Variants in GSN observed in about 807,000 individuals in gnomAD.
GSN encodes gelsolin, also known as actin-depolymerizing factor.
In GSN, 56 loss-of-function variants were observed where a neutral mutation model predicts 85.7. The ratio of observed to expected loss-of-function variants is 0.65; its 90% CI spans 0.53 to 0.82. The LOEUF is 0.82. Among genes scored for constraint, GSN ranks in the 40% least tolerant of loss-of-function variants. The pLI is 0.00. For missense variants in GSN, 857 were observed against 979.8 expected (o/e 0.87, Z 1.67); for synonymous variants, 373 against 399.1 (o/e 0.93, Z 0.78).
chr9:121,330,929 A>G (rs2063814151), intron 16 of GSN, among the ~76,000 whole-genome samples: 1 of 152,348 alleles, frequency 6.6e-6, no homozygotes, highest in Non-Finnish European at 1.5e-5. Context: ...TTTAGAGAAG[A>G]ATCTCAAACT....
At chr9:121,222,040 T>TG (rs2054179787) in intron 4 of GSN, among the ~76,000 whole-genome samples, 1 of 152,172 alleles carries the variant, frequency 6.6e-6, no homozygotes, top group South Asian at 2.1e-4. Flanking sequence ...CCCAAAGGAC[T>TG]GGTTCCAGCA....
At chr9:121,300,220 C>G in intron 2 of GSN, 2 of 835,964 alleles carry the variant, frequency 2.4e-6, no homozygotes, top group East Asian at 2.5e-5. Context: ...GCTAACCTCA[C>G]CTTGGCCGGA....
Position 121,329,166 on chromosome 9 carries a change from C to A in GSN, c.1888-72C>A. ...GCTGCAGCCAGCTGTGCCACTCCCT[C>A]AGGGGGCAGATAAAGGAAGGCCACC... is the stretch of plus-strand genomic sequence containing the variant. On this transcript the variant is annotated intron_variant, in intron 15 of 17. Coordinates refer to ENST00000432226, the MANE Select transcript of GSN (RefSeq NM_198252.3). This position sits in a 1 kb window ranked among gnomAD's most constrained non-coding sequence, Gnocchi z 4.6. The A allele has an allele frequency of 6.8e-7, 1 of 1,460,340 alleles. No individual in the cohort carries two copies. Among genetic ancestry groups the A allele is most frequent in the South Asian group, 1.1e-5 (1 of 87,720 alleles). 90.5% of individuals were successfully genotyped at this position (1,460,340 alleles called of 1,614,324 possible). A position where few individuals can be genotyped will look rare whatever the true frequency, so the allele number is the denominator to read the frequency against.
chr9:121,318,451 C>T lies in GSN; in HGVS notation c.932C>T (p.Ala311Val), dbSNP rs1195531709. 6.2e-7 allele frequency: 1 copy of T among 1,614,116 alleles called. No homozygotes were observed. Among genetic ancestry groups the T allele is most frequent in the South Asian group, 1.1e-5 (1 of 91,076 alleles). ...TEERKAALKT[A>V]SDFITKMDYP... Reference sequence around the variant, plus strand: ...GAGAGGAAGGCTGCCCTCAAAACAGCCTCTGACTTCATCACCAAGATGGAC... The same window carrying T: ...GAGAGGAAGGCTGCCCTCAAAACAGTCTCTGACTTCATCACCAAGATGGAC... Residue 311 changes from alanine (A) to valine (V), a missense_variant, in exon 9 of 18, where the codon GCC (alanine) becomes GTC (valine). Physicochemically the swap from Ala to Val is moderately conservative, Grantham distance 64 (BLOSUM62 0). Coordinates refer to ENST00000432226, the MANE Select transcript of GSN (RefSeq NM_198252.3). This position sits in a 1 kb window ranked among gnomAD's most constrained non-coding sequence, Gnocchi z 4.3.
At chr9:121,229,417 G>A (rs531893592) in intron 4 of GSN, among the ~76,000 whole-genome samples, 132 of 152,024 alleles carry the variant, frequency 8.7e-4, no homozygotes, top group African/African-American at 3.0e-3. Context: ...TTGGGGTTTC[G>A]CCATGTTGGC....
chr9:121,241,737 CTT>C (rs2054609343), intron 5 of GSN, among the ~76,000 whole-genome samples: 1 of 152,174 alleles, frequency 6.6e-6, no homozygotes, highest in African/African-American at 2.4e-5. Flanking sequence ...ATAAACACCT[CTT>C]ATTAAACTCG....
rs143590302 is a variant in GSN at position 121,313,930 on chromosome 9, A to G, written c.664-4A>G. 7.0e-4 allele frequency: 1,122 copies of G among 1,611,472 alleles called. 2 individuals are homozygous for G. The African/African-American group carries it at 0.012, about 17-fold the overall frequency. ...CTTCCTCTCCATCTCTCTATCTCCTACAGGTGCTGGGCCCCAAGCCGGCTC... is the reference window on the plus strand; with the variant it reads ...CTTCCTCTCCATCTCTCTATCTCCTGCAGGTGCTGGGCCCCAAGCCGGCTC... On this transcript the variant is annotated splice_polypyrimidine_tract_variant and splice_region_variant and intron_variant, in intron 6 of 17. Coordinates refer to ENST00000432226, the MANE Select transcript of GSN (RefSeq NM_198252.3).
At chr9:121,315,696 G>A (rs2061638333) in intron 7 of GSN, among the ~76,000 whole-genome samples, 1 of 152,152 alleles carries the variant, frequency 6.6e-6, no homozygotes, top group Non-Finnish European at 1.5e-5. Flanking sequence ...GGGAGGCGGA[G>A]GTTGCAGTGA....
chr9:121,234,097 A>G (rs907373912), intron 5 of GSN, among the ~76,000 whole-genome samples: 2 of 152,194 alleles, frequency 1.3e-5, no homozygotes, highest in Non-Finnish European at 2.9e-5. Context: ...AATAGGACAG[A>G]GGAAGGGATG....
chr9:121,225,601 A>G (rs1308688617), intron 4 of GSN, among the ~76,000 whole-genome samples: 1 of 152,240 alleles, frequency 6.6e-6, no homozygotes, highest in East Asian at 1.9e-4. Context: ...AAAGTGGAAA[A>G]GAACTCAGGT....
In GSN at chr9:121,298,535, G is replaced by T. The variant is rs148358707; in HGVS notation, c.-9-3428G>T. The stretch of plus-strand genomic sequence containing the variant: ...AAGGGGGACCATAGTTTCTGGGGAG[G>T]GGTGGAGAACTCACATTTACCTAGC... On this transcript the variant is annotated intron_variant, in intron 2 of 17. Coordinates refer to ENST00000432226, the MANE Select transcript of GSN (RefSeq NM_198252.3). Among the ~76,000 whole-genome samples the T allele has an allele frequency of 4.6e-5, 7 of 152,260 alleles. No homozygotes were observed. The East Asian group carries it at 9.7e-4, about 21-fold the overall frequency.
chr9:121,302,096 A>G lies in GSN; in HGVS notation c.125A>G (p.Asp42Gly), dbSNP rs1164365786. 1 of 1,614,078 alleles carries G rather than the reference A, an allele frequency of 6.2e-7. No homozygotes were observed. Among genetic ancestry groups the G allele is most frequent in the Admixed American group, 1.7e-5 (1 of 60,016 alleles). The part of the protein sequence containing the change: ...TNLYGDFFTG[D>G]AYVILKTVQL... The stretch of plus-strand genomic sequence containing the variant: ...CTTTATGGAGACTTCTTCACGGGCG[A>G]CGCCTACGTCATCCTGAAGACAGTG... The change falls in exon 3 of 18, where the codon GAC becomes GGC. Residue 42 changes from aspartate to glycine, a missense_variant. Physicochemically the swap from Asp to Gly is moderately conservative, Grantham distance 94. Transcript: ENST00000432226.
At position 121,303,071 on chromosome 9, in the gene GSN, T is replaced by C; in HGVS notation, c.351+6T>C. 6.2e-7 allele frequency: 1 copy of C among 1,612,844 alleles called. No homozygotes were observed. Among genetic ancestry groups the C allele is most frequent in the South Asian group, 1.1e-5 (1 of 91,070 alleles). ...AGTCTGGCCTGAAGTACAAGGTGGGTTGGGCCCCACCTTGCTTGAGCGGTA... is the reference window on the plus strand; with the variant it reads ...AGTCTGGCCTGAAGTACAAGGTGGGCTGGGCCCCACCTTGCTTGAGCGGTA... On this transcript the variant is annotated splice_donor_region_variant and intron_variant, in intron 4 of 17. Coordinates refer to ENST00000432226, the MANE Select transcript of GSN (RefSeq NM_198252.3).
chr9:121,327,575 C>G (rs538982128), intron 14 of GSN, 93 bp downstream of exon 14: 1 of 1,019,016 alleles, frequency 9.8e-7, no homozygotes, highest in Admixed American at 2.6e-5. Context: ...AAATCCTCCC[C>G]TCCATCCCAC....
At chr9:121,277,198 T>C (rs977939310) in intron 1 of GSN, among the ~76,000 whole-genome samples, 1 of 152,212 alleles carries the variant, frequency 6.6e-6, no homozygotes, top group Admixed American at 6.5e-5. Context: ...GGTACATGTG[T>C]TAGGTCAGAG....
At chr9:121,327,840 C>T (rs2063414592) in intron 14 of GSN, among the ~76,000 whole-genome samples, 2 of 152,150 alleles carry the variant, frequency 1.3e-5, no homozygotes, top group African/African-American at 4.8e-5. Flanking sequence ...GGCATGGTGG[C>T]ACATGCCTGT....
intron 2 of GSN, among the ~76,000 whole-genome samples, chr9:121,298,498 G>A (rs943122684): frequency 6.6e-6 from 1 of 152,176 alleles, no homozygotes; most frequent in Non-Finnish European, 1.5e-5. Context: ...CTGGACTTCC[G>A]GAAGAGCTGG....
At chr9:121,252,138 G>C (rs1310243167) in intron 6 of GSN, among the ~76,000 whole-genome samples, 1 of 152,198 alleles carries the variant, frequency 6.6e-6, no homozygotes, top group Non-Finnish European at 1.5e-5. Flanking sequence ...TATAAAAAGA[G>C]ATGTGGCCAA....
At chr9:121,206,735 A>G (rs1345320367), upstream of GSN, among the ~76,000 whole-genome samples, 1 of 152,028 alleles carries the variant, frequency 6.6e-6, no homozygotes, top group Non-Finnish European at 1.5e-5. Context: ...AAAAAAAAGA[A>G]TGCATCTTTG....
Sources: gnomAD v4.1 joint callset for allele counts (sites outside exome capture counted in the v4.1 genomes callset) on GRCh38, gnomAD v4.1.1 for gene constraint, Gnocchi (gnomAD v3.1) non-coding constraint, MANE v1.5 for transcripts, NCBI Gene and HGNC (gene_info 2026-07-23, HGNC 2026-07-21) for gene names.